ACACA: variants seen among roughly 807,000 people sequenced by gnomAD.
ACACA encodes acetyl-CoA carboxylase 1.
In ACACA, 103 loss-of-function variants were observed where a neutral mutation model predicts 296.1. That is an observed-to-expected ratio of 0.35 (90% confidence interval 0.30 to 0.41). ACACA has a LOEUF of 0.41. Among genes scored for constraint, ACACA ranks in the 10% least tolerant of loss-of-function variants. The pLI, the probability that ACACA is intolerant of heterozygous loss-of-function variation, is 1.00. For synonymous variants in ACACA, 953 were observed against 1,038.6 expected, an observed-to-expected ratio of 0.92 and a Z score of 1.58; for missense variants, 1,554 against 2,989.7, an observed-to-expected ratio of 0.52 and a Z score of 11.20.
At chr17:37,270,698 A>T in intron 10 of ACACA, 53 bp downstream of exon 10, 2 of 1,316,616 alleles carry the variant, frequency 1.5e-6, no homozygotes, top group South Asian at 2.4e-5. Flanking sequence ...GTTAAATCAT[A>T]TATCTCTGAT....
At chr17:37,337,462 CT>C (rs1018890424) in intron 2 of ACACA, among the ~76,000 whole-genome samples, 1 of 150,726 alleles carries the variant, frequency 6.6e-6, no homozygotes, top group Admixed American at 6.6e-5. Context: ...AGACATTTCC[CT>C]TTTTTTTAGA....
At chr17:37,102,186 A>G (rs960572212) in intron 52 of ACACA, among the ~76,000 whole-genome samples, 29 of 150,114 alleles carry the variant, frequency 1.9e-4, no homozygotes, top group Admixed American at 1.3e-3. Context: ...GACTTCCCCA[A>G]TGGCATCCAG....
At chr17:37,172,620 A>G (rs77819012) in intron 41 of ACACA, among the ~76,000 whole-genome samples, 1,746 of 152,298 alleles carry the variant, frequency 0.011, 39 homozygotes, top group African/African-American at 0.038. Flanking sequence ...ATGCCATAAT[A>G]TATCTTTCTC....
At chr17:37,129,534 A>G in intron 46 of ACACA, 49 bp from the exon 47 acceptor site, 1 of 1,611,854 alleles carries the variant, frequency 6.2e-7, no homozygotes, top group Non-Finnish European at 8.5e-7. Context: ...CGACAGCCCT[A>G]GACTCCAACT....
At chr17:37,142,619 T>G (rs1183774085) in intron 45 of ACACA, among the ~76,000 whole-genome samples, 2 of 152,146 alleles carry the variant, frequency 1.3e-5, no homozygotes, top group Non-Finnish European at 2.9e-5. Flanking sequence ...ATTGTGAAAA[T>G]AGGTAGTTAG....
chr17:37,220,047 A>T (rs1482194594), intron 29 of ACACA, among the ~76,000 whole-genome samples: 2 of 152,214 alleles, frequency 1.3e-5, no homozygotes, highest in African/African-American at 4.8e-5. Flanking sequence ...CAGGGAGATT[A>T]CAGGATTACT....
intron 1 of ACACA, chr17:37,387,471 G>A (rs9890333): frequency 0.24 from 36,664 of 151,076 alleles, 4,570 homozygotes; most frequent in Middle Eastern, 0.37. Context: ...CTTTAAGATG[G>A]AGTGTCACTC....
At chr17:37,303,155 A>G (rs2083710808) in intron 3 of ACACA, among the ~76,000 whole-genome samples, 1 of 152,158 alleles carries the variant, frequency 6.6e-6, no homozygotes, top group South Asian at 2.1e-4. Flanking sequence ...GCCACTCCTC[A>G]TTTCTCCAAT....
chr17:37,138,912 T>C (rs961436521), intron 45 of ACACA, among the ~76,000 whole-genome samples: 1 of 152,174 alleles, frequency 6.6e-6, no homozygotes, highest in African/African-American at 2.4e-5. Flanking sequence ...CTGATGGTTA[T>C]TGGAGATGGT....
At chr17:37,337,416 A>C (rs2048172050) in intron 2 of ACACA, among the ~76,000 whole-genome samples, 2 of 79,706 alleles carry the variant, frequency 2.5e-5, no homozygotes. Context: ...ACCCTGTCTC[A>C]AAAAAAAAAA....
At chr17:37,199,379 TG>T (rs971293807) in intron 35 of ACACA, among the ~76,000 whole-genome samples, 1 of 152,238 alleles carries the variant, frequency 6.6e-6, no homozygotes, top group African/African-American at 2.4e-5. Context: ...GATTCCAAAC[TG>T]GATTTCTGGC....
chr17:37,265,557 TG>T (rs1055184766), intron 10 of ACACA, among the ~76,000 whole-genome samples: 15 of 152,142 alleles, frequency 9.9e-5, no homozygotes, highest in Admixed American at 2.0e-4. Flanking sequence ...CCAATATTTA[TG>T]ATGATATTGG....
At chr17:37,404,720 G>A (rs550026567) in intron 1 of ACACA, among the ~76,000 whole-genome samples, 4 of 151,686 alleles carry the variant, frequency 2.6e-5, no homozygotes, top group African/African-American at 7.3e-5. Flanking sequence ...GATTACAGGC[G>A]CCCGTCACAA....
At chr17:37,339,477 T>G (rs999271456) in intron 2 of ACACA, among the ~76,000 whole-genome samples, 4 of 152,220 alleles carry the variant, frequency 2.6e-5, no homozygotes, top group African/African-American at 9.6e-5. Flanking sequence ...GTCCAGCAAC[T>G]GTACTGAATA....
intron 52 of ACACA, among the ~76,000 whole-genome samples, chr17:37,107,421 G>C (rs1030814543): frequency 6.6e-6 from 1 of 152,234 alleles, no homozygotes; most frequent in Non-Finnish European, 1.5e-5. Flanking sequence ...GGCTGCTAGA[G>C]AAGGCTTGGG....
At chr17:37,144,497 T>C in intron 45 of ACACA, 7 of 237,742 alleles carry the variant, frequency 2.9e-5, no homozygotes, top group East Asian at 1.1e-4. Flanking sequence ...CATGGGTGGG[T>C]GAGCATGGAG....
intron 3 of ACACA, among the ~76,000 whole-genome samples, chr17:37,308,793 C>A (rs557850185): frequency 1.3e-5 from 2 of 152,190 alleles, no homozygotes; most frequent in East Asian, 3.9e-4. Flanking sequence ...CAAAAATTAG[C>A]TGGCTTAGTG....
chr17:37,155,302 G>C (rs549560695), intron 43 of ACACA, among the ~76,000 whole-genome samples: 1 of 151,916 alleles, frequency 6.6e-6, no homozygotes, highest in Non-Finnish European at 1.5e-5. Flanking sequence ...TTAGTGAAAA[G>C]GATAAATTAT....
intron 29 of ACACA, among the ~76,000 whole-genome samples, chr17:37,215,231 G>A (rs1216521367): frequency 2.0e-5 from 3 of 152,138 alleles, no homozygotes; most frequent in Non-Finnish European, 4.4e-5. Flanking sequence ...AGGTACAGTG[G>A]AATCCGACTT....
Sources: gnomAD v4.1 joint callset for allele counts (sites outside exome capture counted in the v4.1 genomes callset) on GRCh38, gnomAD v4.1.1 for gene constraint, MANE v1.5 for transcripts, NCBI Gene and HGNC (gene_info 2026-07-23, HGNC 2026-07-21) for gene names.